Variants in ANKRD28 observed in about 807,000 individuals in gnomAD.
ANKRD28 encodes the protein serine/threonine-protein phosphatase 6 regulatory ankyrin repeat subunit A.
In ANKRD28, 44 loss-of-function variants were observed where a neutral mutation model predicts 126.5. The ratio of observed to expected loss-of-function variants is 0.35; its 90% CI spans 0.27 to 0.45. ANKRD28 has a LOEUF of 0.45. ANKRD28 is among the 20% of genes least tolerant of loss of function. ANKRD28 has a pLI of 1.00. For missense variants in ANKRD28, 1,110 were observed against 1,316.6 expected (o/e 0.84, Z 2.43); for synonymous variants, 442 against 468.5 (o/e 0.94, Z 0.73).
intron 2 of ANKRD28, among the ~76,000 whole-genome samples, chr3:15,793,851 A>C (rs1448803520): frequency 1.3e-5 from 2 of 152,204 alleles, no homozygotes; most frequent in African/African-American, 4.8e-5. Context: ...CGATCACCTG[A>C]GATCAGGAGT....
At chr3:15,695,489 TC>T (rs2069401363) in intron 15 of ANKRD28, among the ~76,000 whole-genome samples, 3 of 152,158 alleles carry the variant, frequency 2.0e-5, no homozygotes, top group African/African-American at 7.2e-5. Flanking sequence ...ACCTCCCTTT[TC>T]TTGTTTTATA....
At chr3:15,728,142 C>T (rs776037138) in intron 6 of ANKRD28, among the ~76,000 whole-genome samples, 5 of 150,746 alleles carry the variant, frequency 3.3e-5, no homozygotes, top group Non-Finnish European at 3.0e-5. Flanking sequence ...AAGGCTCATA[C>T]GATAGTTAGC....
chr3:15,794,076 A>C (rs111741695), intron 2 of ANKRD28, among the ~76,000 whole-genome samples: 29 of 152,040 alleles, frequency 1.9e-4, no homozygotes, highest in African/African-American at 4.8e-4. Flanking sequence ...TCTCTAAATA[A>C]ATACATACAT....
intron 2 of ANKRD28, among the ~76,000 whole-genome samples, chr3:15,771,403 C>CT (rs1439232292): frequency 2.7e-5 from 3 of 109,460 alleles, no homozygotes; most frequent in African/African-American, 9.8e-5. Context: ...GAGCAAAACT[C>CT]TGTCTCAAAA....
intron 1 of ANKRD28, among the ~76,000 whole-genome samples, chr3:15,806,811 C>A (rs942957299): frequency 2.0e-5 from 3 of 152,288 alleles, no homozygotes; most frequent in African/African-American, 7.2e-5. Context: ...CATGAGCCAC[C>A]ATGTCCGGCC....
chr3:15,791,728 C>T (rs1207143670), intron 2 of ANKRD28, among the ~76,000 whole-genome samples: 1 of 152,120 alleles, frequency 6.6e-6, no homozygotes, highest in Non-Finnish European at 1.5e-5. Flanking sequence ...GCACAGGCAA[C>T]CAAAGCAAAC....
rs531727159 is a variant in ANKRD28, at chr3:15,744,881, T to C, written c.351+6869A>G. On this transcript the variant is annotated intron_variant, in intron 4 of 27. Coordinates refer to ENST00000683139, the MANE Select transcript of ANKRD28 (RefSeq NM_001349278.2). ...CCGACAGTGTAAAAGTGTTCCCTTT[T>C]CATTGCATCCACACCAACATCTATT... Among the ~76,000 whole-genome samples, 14 of 152,332 alleles carry C rather than the reference T, an allele frequency of 9.2e-5. No individual in the cohort carries two copies. In the East Asian group the frequency reaches 2.5e-3, roughly 27 times the overall value.
chr3:15,788,163 G>A (rs919844119), intron 2 of ANKRD28, among the ~76,000 whole-genome samples: 1 of 152,036 alleles, frequency 6.6e-6, no homozygotes, highest in East Asian at 1.9e-4. Context: ...CACTAAAGAA[G>A]GCTTGTGTCT....
At chr3:15,781,831 G>A (rs549458177) in intron 2 of ANKRD28, among the ~76,000 whole-genome samples, 1 of 152,162 alleles carries the variant, frequency 6.6e-6, no homozygotes, top group East Asian at 1.9e-4. Context: ...CGAACAAAGG[G>A]GCTGGAATTC....
chr3:15,771,577 A>G (rs925330326), intron 2 of ANKRD28, among the ~76,000 whole-genome samples: 6 of 152,138 alleles, frequency 3.9e-5, no homozygotes, highest in East Asian at 1.9e-4. Context: ...CAGCTGTTGC[A>G]TGAAGTAGGA....
At chr3:15,697,364 T>C (rs1248907107) in intron 14 of ANKRD28, 1 of 152,202 alleles carries the variant, frequency 6.6e-6, no homozygotes, top group African/African-American at 2.4e-5. Context: ...GACTACACAT[T>C]GGATACAGTG....
chr3:15,761,981 T>C (rs11128755), intron 3 of ANKRD28, among the ~76,000 whole-genome samples: 151,995 of 152,000 alleles, frequency 1, 75,995 homozygotes, highest in Middle Eastern at 1. Flanking sequence ...GGGTCAGGAG[T>C]TCGAGACCAG....
chr3:15,708,177 C>T, intron 13 of ANKRD28, 113 bp from the exon 14 acceptor site: 2 of 1,214,400 alleles, frequency 1.6e-6, no homozygotes, highest in Non-Finnish European at 2.3e-6. Context: ...TACAGTGAGA[C>T]TTAGACTACC....
chr3:15,718,159 A>T (rs1478027541), intron 8 of ANKRD28, among the ~76,000 whole-genome samples: 1 of 152,212 alleles, frequency 6.6e-6, no homozygotes, highest in Non-Finnish European at 1.5e-5. Context: ...AGCTATCAAC[A>T]TATTGTGTGT....
At chr3:15,765,459 C>T (rs2058692368) in intron 3 of ANKRD28, among the ~76,000 whole-genome samples, 1 of 152,028 alleles carries the variant, frequency 6.6e-6, no homozygotes, top group South Asian at 2.1e-4. Context: ...GTTGTATTTG[C>T]TATAAACCAC....
chr3:15,700,928 A>G (rs1344264786), intron 14 of ANKRD28, among the ~76,000 whole-genome samples: 1 of 152,232 alleles, frequency 6.6e-6, no homozygotes, highest in Non-Finnish European at 1.5e-5. Context: ...AGCCAGCTAA[A>G]TAATCTAAAG....
rs1276078764 is a variant in ANKRD28 at position 15,838,011 on chromosome 3, T to A, written c.27+21366A>T. On this transcript the variant is annotated intron_variant, in intron 1 of 27. Coordinates refer to the ANKRD28 transcript ENST00000399451. This position sits in a 1 kb window ranked among gnomAD's most constrained non-coding sequence, Gnocchi z 4.0. ...TAAGGGAATATTATGAACAACTGTA[T>A]ACAAACAAATGTAAACAACTTAGAA... Among the ~76,000 whole-genome samples, 6 of 151,782 alleles carry A rather than the reference T, an allele frequency of 4.0e-5. No homozygotes were observed. The highest frequency in any genetic ancestry group is 1.2e-4 in the African/African-American group (5 of 41,358).
chr3:15,679,221 C>T, intron 23 of ANKRD28, 80 bp downstream of exon 23: 1 of 1,363,044 alleles, frequency 7.3e-7, no homozygotes, highest in Non-Finnish European at 1.0e-6. Context: ...CCTCCCACTT[C>T]AGCCTCCCAG....
chr3:15,781,622 G>A (rs1284616869), intron 2 of ANKRD28: 1 of 152,112 alleles, frequency 6.6e-6, no homozygotes, highest in Non-Finnish European at 1.5e-5. Context: ...TGTTCGGCAG[G>A]CTAATGTTTA....
Sources: gnomAD v4.1 joint callset for allele counts (sites outside exome capture counted in the v4.1 genomes callset) on GRCh38, gnomAD v4.1.1 for gene constraint, Gnocchi (gnomAD v3.1) non-coding constraint, MANE v1.5 for transcripts, NCBI Gene and HGNC (gene_info 2026-07-23, HGNC 2026-07-21) for gene names.